The following DIAPH3 variants were observed in gnomAD, a reference collection of about 807,000 sequenced individuals.
DIAPH3 encodes protein diaphanous homolog 3.
DIAPH3 carries 117 observed loss-of-function variants against 144.3 expected under a neutral mutation model. The observed-to-expected ratio is 0.81, with a 90% CI of 0.70 to 0.95. DIAPH3 has a LOEUF of 0.95. DIAPH3 is among the 40% of genes least tolerant of loss of function. The pLI, the probability that DIAPH3 is intolerant of heterozygous loss-of-function variation, is 0.00. For synonymous variants in DIAPH3, 519 were observed against 488.9 expected, an observed-to-expected ratio of 1.06 and a Z score of -0.81; for missense variants, 1,421 against 1,412.7, an observed-to-expected ratio of 1.01 and a Z score of -0.09.
At chr13:59,783,892 A>C (rs1237281289) in intron 25 of DIAPH3, among the ~76,000 whole-genome samples, 1 of 152,176 alleles carries the variant, frequency 6.6e-6, no homozygotes, top group East Asian at 1.9e-4. Flanking sequence ...GTGTAGTGAC[A>C]AGAAAAGAGA....
chr13:60,028,835 C>T (rs915679347), intron 5 of DIAPH3, among the ~76,000 whole-genome samples: 2 of 151,952 alleles, frequency 1.3e-5, no homozygotes, highest in East Asian at 1.9e-4. Context: ...CCGAGGTGGG[C>T]GGATCACAAG....
intron 27 of DIAPH3, among the ~76,000 whole-genome samples, chr13:59,751,158 T>C (rs1305336966): frequency 2.6e-5 from 4 of 152,254 alleles, no homozygotes; most frequent in Non-Finnish European, 2.9e-5. Flanking sequence ...TTCGCCCTGC[T>C]CCTGCAAAAG....
intron 27 of DIAPH3, among the ~76,000 whole-genome samples, chr13:59,734,706 C>T (rs1239218942): frequency 6.6e-6 from 1 of 152,224 alleles, no homozygotes; most frequent in African/African-American, 2.4e-5. Context: ...CCTTCTCTTA[C>T]TGGCATTTGT....
intron 5 of DIAPH3, among the ~76,000 whole-genome samples, 197 bp downstream of exon 5, chr13:60,042,493 C>T (rs1427209397): frequency 6.6e-6 from 1 of 152,080 alleles, no homozygotes. Flanking sequence ...TTTTTACAGT[C>T]CCTGAGCAAT....
At chr13:59,785,204 G>A (rs538447104) in intron 25 of DIAPH3, among the ~76,000 whole-genome samples, 1 of 151,946 alleles carries the variant, frequency 6.6e-6, no homozygotes, top group Non-Finnish European at 1.5e-5. Flanking sequence ...CACAAGAAGT[G>A]GAATTTTATG....
At chr13:60,015,866 T>C (rs1232503421) in intron 7 of DIAPH3, 47 bp downstream of exon 7, 10 of 1,502,090 alleles carry the variant, frequency 6.7e-6, no homozygotes, top group Non-Finnish European at 9.2e-6. Context: ...GAAAATCATA[T>C]ATTACAAAAT....
intron 25 of DIAPH3, among the ~76,000 whole-genome samples, chr13:59,789,675 C>G (rs1290305899): frequency 1.3e-5 from 2 of 152,016 alleles, no homozygotes; most frequent in African/African-American, 4.8e-5. Flanking sequence ...CCAGAGGAGC[C>G]CAGCAGTCAT....
intron 3 of DIAPH3, among the ~76,000 whole-genome samples, chr13:60,103,373 C>G: frequency 6.6e-6 from 1 of 152,106 alleles, no homozygotes; most frequent in East Asian, 1.9e-4. Context: ...ACAGTTAACA[C>G]CACAGAGAGT....
At chr13:59,919,260 A>G (rs2047395807) in intron 18 of DIAPH3, among the ~76,000 whole-genome samples, 1 of 152,154 alleles carries the variant, frequency 6.6e-6, no homozygotes, top group African/African-American at 2.4e-5. Context: ...TTAAAAAGTA[A>G]TAGCAGAAAA....
intron 25 of DIAPH3, among the ~76,000 whole-genome samples, chr13:59,780,540 C>T (rs1000673973): frequency 6.6e-6 from 1 of 152,086 alleles, no homozygotes; most frequent in Non-Finnish European, 1.5e-5. Context: ...AATAACTAGA[C>T]TAACTGCAAA....
intron 24 of DIAPH3, among the ~76,000 whole-genome samples, chr13:59,824,501 T>G (rs554061605): frequency 2.6e-5 from 4 of 152,284 alleles, no homozygotes; most frequent in East Asian, 3.9e-4. Context: ...TAATAACAAA[T>G]GAATTGGCTG....
chr13:59,696,869 A>T (rs997746378), intron 27 of DIAPH3, among the ~76,000 whole-genome samples: 3 of 152,074 alleles, frequency 2.0e-5, no homozygotes, highest in African/African-American at 7.2e-5. Flanking sequence ...TTGCAGAAAG[A>T]AAGTAAAAGT....
intron 27 of DIAPH3, among the ~76,000 whole-genome samples, chr13:59,722,439 C>T (rs2035391761): frequency 6.6e-6 from 1 of 152,176 alleles, no homozygotes. Context: ...ACATCAGAGA[C>T]CCCATGCAGT....
chr13:59,834,678 T>C (rs2041952869), intron 23 of DIAPH3, among the ~76,000 whole-genome samples: 1 of 151,720 alleles, frequency 6.6e-6, no homozygotes, highest in Admixed American at 6.6e-5. Flanking sequence ...AAAATGCAAA[T>C]GTAGTTAGCT....
chr13:60,100,911 G>C (rs2058251797), intron 3 of DIAPH3, among the ~76,000 whole-genome samples: 3 of 152,004 alleles, frequency 2.0e-5, no homozygotes, highest in African/African-American at 4.8e-5. Context: ...CAAATCCAAG[G>C]GTCCTGAGAG....
At chr13:59,757,862 G>C (rs1189810806) in intron 27 of DIAPH3, among the ~76,000 whole-genome samples, 1 of 152,072 alleles carries the variant, frequency 6.6e-6, no homozygotes, top group Non-Finnish European at 1.5e-5. Context: ...GAAAAATGAT[G>C]GTGAGCTAAT....
At chr13:59,696,542 G>C (rs929000670) in intron 27 of DIAPH3, among the ~76,000 whole-genome samples, 43 of 152,272 alleles carry the variant, frequency 2.8e-4, no homozygotes, top group African/African-American at 9.9e-4. Flanking sequence ...AATCACTTTA[G>C]ATCTCACTGT....
chr13:60,160,762 T>C (rs1791540369), intron 1 of DIAPH3, among the ~76,000 whole-genome samples: 2 of 152,304 alleles, frequency 1.3e-5, no homozygotes, highest in Admixed American at 1.3e-4. Flanking sequence ...CGGCTTAAGA[T>C]ATTTTCAAAT....
At chr13:60,078,506 T>C (rs2057448728) in intron 4 of DIAPH3, among the ~76,000 whole-genome samples, 2 of 152,008 alleles carry the variant, frequency 1.3e-5, no homozygotes, top group Admixed American at 1.3e-4. Context: ...ATGGTTAAGT[T>C]CAGTTATACA....
Sources: allele counts gnomAD v4.1 joint callset (sites outside exome capture counted in the v4.1 genomes callset), GRCh38; gene constraint gnomAD v4.1.1; transcripts MANE v1.5; gene names NCBI Gene and HGNC (gene_info 2026-07-23, HGNC 2026-07-21).